Variants in KCNJ6 observed in about 807,000 individuals in gnomAD.
The protein encoded by KCNJ6 is potassium inwardly rectifying channel subfamily J member 6.
A neutral mutation model predicts 34.2 loss-of-function variants in KCNJ6; 9 were observed. That is an observed-to-expected ratio of 0.26 (90% CI 0.16 to 0.46). The LOEUF (loss-of-function observed/expected upper bound fraction) is 0.46, where lower values mean the gene tolerates loss of function less well. Ranked by LOEUF, KCNJ6 falls within the 20% of genes least tolerant of loss-of-function variation. KCNJ6 has a pLI of 1.00. For missense variants in KCNJ6, 236 were observed against 531.3 expected (o/e 0.44, Z 5.46); for synonymous variants, 196 against 207.1 (o/e 0.95, Z 0.46).
rs940685111 is a variant in KCNJ6 at position 37,621,113 on chromosome 21, T to G, written c.*4046A>C. The G allele has an allele frequency of 3.3e-5, 5 of 152,202 alleles. No individual in the cohort carries two copies. Among genetic ancestry groups the G allele is most frequent in the African/African-American group, 1.2e-4 (5 of 41,450 alleles). 9.4% of individuals were successfully genotyped at this position (152,202 alleles called of 1,614,324 possible). A position where few individuals can be genotyped will look rare whatever the true frequency, so the allele number is the denominator to read the frequency against. On this transcript the variant is annotated 3_prime_UTR_variant, in exon 4 of 4. Coordinates refer to ENST00000609713, the MANE Select transcript of KCNJ6 (RefSeq NM_002240.5). ...GTTAAAGCCATCCATTGAAAGGAAA[T>G]CATCCTTGAAGATAATGTTTACAAT...
At chr21:37,779,772 G>A (rs961068342) in intron 2 of KCNJ6, among the ~76,000 whole-genome samples, 3 of 152,212 alleles carry the variant, frequency 2.0e-5, no homozygotes, top group Admixed American at 2.0e-4. Context: ...TTGTATGCTC[G>A]TGTGGCACTG....
intron 2 of KCNJ6, among the ~76,000 whole-genome samples, chr21:37,744,006 C>T (rs2054953920): frequency 6.6e-6 from 1 of 151,666 alleles, no homozygotes; most frequent in South Asian, 2.1e-4. Flanking sequence ...TCACTCTTCC[C>T]CAAATCAGTA....
chr21:37,773,727 A>G (rs1437179107), intron 2 of KCNJ6, among the ~76,000 whole-genome samples: 2 of 152,288 alleles, frequency 1.3e-5, no homozygotes, highest in Admixed American at 1.3e-4. Flanking sequence ...CACCTGCACC[A>G]GGGCTGACAG....
intron 1 of KCNJ6, among the ~76,000 whole-genome samples, chr21:37,878,594 GCATGAGGCCTTAC>G (rs2055690679): frequency 6.6e-6 from 1 of 152,242 alleles, no homozygotes; most frequent in Admixed American, 6.5e-5. Flanking sequence ...GAAGAGCTTA[GCATGAGGCCTTAC>G]CAGCACCAGA....
chr21:37,714,857 G>A lies in KCNJ6; in HGVS notation c.300C>T (p.Tyr100=), dbSNP rs767224800. The A allele has an allele frequency of 5.0e-6, 8 of 1,614,122 alleles. No individual in the cohort carries two copies. Among genetic ancestry groups the A allele is most frequent in the Admixed American group, 3.3e-5 (2 of 60,008 alleles). Residue 100 remains tyrosine (Y), a synonymous_variant, in exon 3 of 4, where the codon TAC becomes TAT. Transcript: ENST00000609713. This position sits in a 1 kb window ranked among gnomAD's most constrained non-coding sequence, Gnocchi z 5.9. ...TTCCAAAAAAGAGCCAGGTCACTGT[G>A]TAAACCATGACAAAAATCAATAGGT... ...RFNLLIFVMV[Y]TVTWLFFGMI...
intron 2 of KCNJ6, among the ~76,000 whole-genome samples, chr21:37,770,292 G>A (rs765214814): frequency 1.3e-5 from 2 of 152,020 alleles, no homozygotes; most frequent in Non-Finnish European, 2.9e-5. Context: ...AAGTCACAGC[G>A]GGCTCCAAAG....
chr21:37,686,811 G>A (rs893082426), intron 3 of KCNJ6, among the ~76,000 whole-genome samples: 99 of 151,944 alleles, frequency 6.5e-4, no homozygotes, highest in Non-Finnish European at 1.1e-3. Context: ...ACAGGGACCT[G>A]TGCATTTATT....
chr21:37,681,933 G>C (rs1010990202), intron 3 of KCNJ6, among the ~76,000 whole-genome samples: 1 of 152,182 alleles, frequency 6.6e-6, no homozygotes, highest in African/African-American at 2.4e-5. Context: ...GTTGCTGAAT[G>C]GGATGAACAC....
At chr21:37,894,159 G>A (rs148252227) in intron 1 of KCNJ6, among the ~76,000 whole-genome samples, 2 of 152,182 alleles carry the variant, frequency 1.3e-5, no homozygotes, top group Non-Finnish European at 2.9e-5. Context: ...TTTGATATCT[G>A]TCTAAACTCA....
chr21:37,639,414 G>C (rs548811370), intron 3 of KCNJ6, among the ~76,000 whole-genome samples: 1 of 152,108 alleles, frequency 6.6e-6, no homozygotes, highest in Non-Finnish European at 1.5e-5. Flanking sequence ...TCAAAACACT[G>C]TGTTCAAAAG....
At chr21:37,658,129 A>G (rs963703678) in intron 3 of KCNJ6, among the ~76,000 whole-genome samples, 3 of 141,186 alleles carry the variant, frequency 2.1e-5, no homozygotes, top group African/African-American at 8.7e-5. Context: ...GGAACACTGC[A>G]GTAAGGGCTC....
chr21:37,807,426 G>T (rs1037238510), intron 2 of KCNJ6, among the ~76,000 whole-genome samples: 4 of 152,200 alleles, frequency 2.6e-5, no homozygotes, highest in Non-Finnish European at 5.9e-5. Flanking sequence ...GATGGTGAGA[G>T]ATTCAATGTC....
rs141204863 is a variant in KCNJ6, at chr21:37,688,408, T to C, written c.946+25803A>G. Among the ~76,000 whole-genome samples, 273 of 152,216 alleles carry C rather than the reference T, an allele frequency of 1.8e-3. 1 individual carries two copies. The highest frequency in any genetic ancestry group is 6.2e-3 in the African/African-American group (258 of 41,522). ...AAAATCTACTACATTCTAGATTCTA[T>C]GCTATGTTTTTTTTTATCATCTAAT... On this transcript the variant is annotated intron_variant, in intron 3 of 3. Transcript: ENST00000609713.
chr21:37,800,699 G>A (rs2055264984), intron 2 of KCNJ6, among the ~76,000 whole-genome samples: 1 of 152,156 alleles, frequency 6.6e-6, no homozygotes, highest in South Asian at 2.1e-4. Context: ...CTCTCTGAAG[G>A]CACATCCTGT....
intron 3 of KCNJ6, among the ~76,000 whole-genome samples, chr21:37,672,456 C>T (rs1205514703): frequency 6.6e-6 from 1 of 151,956 alleles, no homozygotes; most frequent in African/African-American, 2.4e-5. Flanking sequence ...ATCTCAGCGC[C>T]TAGGAACCGG....
chr21:37,897,037 G>C (rs575539829), intron 1 of KCNJ6, among the ~76,000 whole-genome samples: 1 of 152,242 alleles, frequency 6.6e-6, no homozygotes, highest in African/African-American at 2.4e-5. Context: ...TAGCTGGTTC[G>C]TGTGGGAGGC....
intron 2 of KCNJ6, among the ~76,000 whole-genome samples, chr21:37,765,532 C>T (rs1189023531): frequency 6.6e-6 from 1 of 152,126 alleles, no homozygotes; most frequent in Non-Finnish European, 1.5e-5. Flanking sequence ...TGCCTCCCAG[C>T]CCCAGACACG....
rs1363219400 is a variant in KCNJ6 at position 37,916,140 on chromosome 21, A to T, written c.-284T>A. 6.6e-6 allele frequency: 1 copy of T among 151,694 alleles called. No individual in the cohort carries two copies. Among genetic ancestry groups the T allele is most frequent in the Non-Finnish European group, 1.5e-5 (1 of 68,060 alleles). 9.4% of individuals were successfully genotyped at this position (151,694 alleles called of 1,614,324 possible). On this transcript the variant is annotated 5_prime_UTR_variant, in exon 1 of 4. Transcript: ENST00000609713. ...CGGGTCTCCACCCCTCCGCCCGCCC[A>T]GCCTCTCCAGCCAGGTGCGGCCGTC...
At chr21:37,856,906 T>A (rs1228853164) in intron 1 of KCNJ6, among the ~76,000 whole-genome samples, 1 of 152,102 alleles carries the variant, frequency 6.6e-6, no homozygotes, top group East Asian at 1.9e-4. Context: ...TGTGTGATGC[T>A]CTTGCATGGT....
Sources: gnomAD v4.1 joint callset for allele counts (sites outside exome capture counted in the v4.1 genomes callset) on GRCh38, gnomAD v4.1.1 for gene constraint, Gnocchi (gnomAD v3.1) non-coding constraint, MANE v1.5 for transcripts, NCBI Gene and HGNC (gene_info 2026-07-23, HGNC 2026-07-21) for gene names.